LDLRAD4: variants seen among roughly 807,000 people sequenced by gnomAD.
LDLRAD4 encodes low density lipoprotein receptor class A domain containing 4.
A neutral mutation model predicts 17.0 loss-of-function variants in LDLRAD4; 5 were observed. That is an observed-to-expected ratio of 0.29 (90% CI 0.15 to 0.62). LDLRAD4 has a LOEUF of 0.62. Among genes scored for constraint, LDLRAD4 ranks in the 20% least tolerant of loss-of-function variants. The pLI is 0.84. For synonymous variants in LDLRAD4, 168 were observed against 171.8 expected, an observed-to-expected ratio of 0.98 and a Z score of 0.17; for missense variants, 340 against 424.7, an observed-to-expected ratio of 0.80 and a Z score of 1.75.
intron 3 of LDLRAD4, among the ~76,000 whole-genome samples, chr18:13,546,318 G>A (rs913725216): frequency 7.9e-5 from 12 of 152,228 alleles, no homozygotes; most frequent in Admixed American, 1.3e-4. Flanking sequence ...GGAGTAATTT[G>A]TCTAACTGAA....
At chr18:13,258,891 C>T (rs73417382) in intron 1 of LDLRAD4, among the ~76,000 whole-genome samples, 2 of 152,102 alleles carry the variant, frequency 1.3e-5, no homozygotes, top group African/African-American at 4.8e-5. Context: ...CTCCCAGAAG[C>T]ACCATCTAAA....
At chr18:13,265,309 C>T (rs2044153767) in intron 1 of LDLRAD4, among the ~76,000 whole-genome samples, 1 of 152,174 alleles carries the variant, frequency 6.6e-6, no homozygotes, top group African/African-American at 2.4e-5. Context: ...GCTGACCTGT[C>T]ACTGCGTAGC....
At chr18:13,523,906 G>A (rs1322210086) in intron 3 of LDLRAD4, among the ~76,000 whole-genome samples, 1 of 152,180 alleles carries the variant, frequency 6.6e-6, no homozygotes, top group Non-Finnish European at 1.5e-5. Flanking sequence ...GCATTCCTGG[G>A]TGAGGATCAG....
intron 1 of LDLRAD4, among the ~76,000 whole-genome samples, chr18:13,281,411 C>G (rs936091846): frequency 1.3e-5 from 2 of 152,110 alleles, no homozygotes; most frequent in African/African-American, 4.8e-5. Flanking sequence ...CCACCCCCCT[C>G]AAAACAAAAA....
chr18:13,341,263 A>C (rs188368114), intron 1 of LDLRAD4, among the ~76,000 whole-genome samples: 1 of 152,164 alleles, frequency 6.6e-6, no homozygotes, highest in Admixed American at 6.5e-5. Flanking sequence ...TCTATTTTGC[A>C]AAAACCATTG....
At chr18:13,219,561 G>C (rs1450201261) in intron 1 of LDLRAD4, among the ~76,000 whole-genome samples, 2 of 152,208 alleles carry the variant, frequency 1.3e-5, no homozygotes, top group African/African-American at 2.4e-5. Context: ...TGTGAGGTAA[G>C]AGTAGCTGCA....
intron 1 of LDLRAD4, among the ~76,000 whole-genome samples, chr18:13,258,158 G>T (rs1285662657): frequency 6.6e-6 from 1 of 152,178 alleles, no homozygotes; most frequent in Non-Finnish European, 1.5e-5. Context: ...TATTTACTTA[G>T]TATTCAGAAA....
At chr18:13,559,819 T>G (rs745580371) in intron 3 of LDLRAD4, among the ~76,000 whole-genome samples, 1 of 152,020 alleles carries the variant, frequency 6.6e-6, no homozygotes, top group Admixed American at 6.5e-5. Flanking sequence ...CATGGAGGAG[T>G]TGGCGGGAGA....
intron 1 of LDLRAD4, among the ~76,000 whole-genome samples, chr18:13,313,158 C>T (rs1327733655): frequency 2.6e-5 from 4 of 152,258 alleles, no homozygotes; most frequent in South Asian, 2.1e-4. Flanking sequence ...GTTATTTGTA[C>T]GTGTTCTGTT....
intron 3 of LDLRAD4, among the ~76,000 whole-genome samples, chr18:13,607,786 T>TA (rs1719414519): frequency 6.6e-6 from 1 of 152,266 alleles, no homozygotes; most frequent in South Asian, 2.1e-4. Context: ...CATTCTTTTT[T>TA]ATGGCTGCAT....
intron 3 of LDLRAD4, among the ~76,000 whole-genome samples, chr18:13,527,413 C>T (rs114321551): frequency 0.01 from 1,596 of 152,312 alleles, 34 homozygotes; most frequent in African/African-American, 0.037. Context: ...TTCTGGAGAC[C>T]GGGCCCTTAT....
At chr18:13,290,560 TA>T (rs75826861) in intron 1 of LDLRAD4, among the ~76,000 whole-genome samples, 174 of 145,242 alleles carry the variant, frequency 1.2e-3, no homozygotes, top group East Asian at 3.8e-3. Context: ...AGGTATTCTT[TA>T]AAAAAAAAAA....
intron 1 of LDLRAD4, among the ~76,000 whole-genome samples, chr18:13,312,513 G>A (rs531876427): frequency 6.6e-6 from 1 of 152,130 alleles, no homozygotes; most frequent in Non-Finnish European, 1.5e-5. Flanking sequence ...ATGCTAAGGC[G>A]GGAGTACCAC....
intron 2 of LDLRAD4, among the ~76,000 whole-genome samples, chr18:13,414,289 A>G (rs918556842): frequency 6.6e-6 from 1 of 152,230 alleles, no homozygotes. Context: ...GGCAAGTCAC[A>G]TGACCTCTTG....
chr18:13,506,342 G>C (rs1235327487), intron 3 of LDLRAD4, among the ~76,000 whole-genome samples: 2 of 151,096 alleles, frequency 1.3e-5, no homozygotes, highest in African/African-American at 2.4e-5. Flanking sequence ...TTTACATTAG[G>C]TATATCTCCT....
intron 3 of LDLRAD4, among the ~76,000 whole-genome samples, chr18:13,555,547 T>G (rs139118010): frequency 3.0e-5 from 3 of 100,084 alleles, no homozygotes; most frequent in African/African-American, 1.2e-4. Flanking sequence ...CAGATCACTG[T>G]TTTCATTGTA....
chr18:13,609,255 C>T (rs181863487), intron 3 of LDLRAD4, among the ~76,000 whole-genome samples: 1 of 152,346 alleles, frequency 6.6e-6, no homozygotes, highest in East Asian at 1.9e-4. Context: ...CAGTGATGGA[C>T]GTGCTGTCAT....
chr18:13,221,733 G>C (rs541381534), intron 1 of LDLRAD4, among the ~76,000 whole-genome samples: 4 of 152,174 alleles, frequency 2.6e-5, no homozygotes. Context: ...TTTAAGAATG[G>C]ATTGCTTTTC....
intron 3 of LDLRAD4, among the ~76,000 whole-genome samples, chr18:13,593,257 G>A (rs1212718864): frequency 6.6e-6 from 1 of 152,226 alleles, no homozygotes; most frequent in African/African-American, 2.4e-5. Flanking sequence ...AGGCTGCAGT[G>A]AGCCAAGATC....
Sources: gnomAD v4.1 joint callset for allele counts (sites outside exome capture counted in the v4.1 genomes callset) on GRCh38, gnomAD v4.1.1 for gene constraint, MANE v1.5 for transcripts, NCBI Gene and HGNC (gene_info 2026-07-23, HGNC 2026-07-21) for gene names.